PRPF18: variants seen among roughly 807,000 people sequenced by gnomAD.
PRPF18 encodes the protein pre-mRNA-splicing factor 18.
In PRPF18, 38 loss-of-function variants were observed where a neutral mutation model predicts 46.5. The ratio of observed to expected loss-of-function variants is 0.82; its 90% CI spans 0.63 to 1.07. PRPF18 has a LOEUF of 1.07. PRPF18 is among the 50% of genes least tolerant of loss of function. The probability of loss-of-function intolerance (pLI) is 0.00; values close to 1 mark genes in which losing one functional copy is unlikely to be tolerated. For missense variants in PRPF18, 263 were observed against 410.0 expected, an observed-to-expected ratio of 0.64 and a Z score of 3.10; for synonymous variants, 152 against 146.7, an observed-to-expected ratio of 1.04 and a Z score of -0.26.
chr10:13,600,249 G>A lies in PRPF18; in HGVS notation c.150G>A (p.Gln50=). The change falls in exon 3 of 10, where the codon CAG becomes CAA. Residue 50 remains glutamine, a synonymous_variant. Coordinates refer to ENST00000378572, the MANE Select transcript of PRPF18 (RefSeq NM_003675.4). ...AYFERCGYKI[Q]PKEEDQKPLT... The stretch of plus-strand genomic sequence containing the variant: ...TCTTTTGGCTATTAATATAGATACA[G>A]CCAAAAGAGGAGGACCAGAAACCAT... The A allele has an allele frequency of 6.2e-7, 1 of 1,605,954 alleles. No individual in the cohort carries two copies. The highest frequency in any genetic ancestry group is 8.5e-7 in the Non-Finnish European group (1 of 1,176,140).
intron 3 of PRPF18, among the ~76,000 whole-genome samples, chr10:13,604,220 A>T (rs1398386144): frequency 6.6e-6 from 1 of 152,180 alleles, no homozygotes; most frequent in Admixed American, 6.5e-5. Context: ...ATCCACTGGG[A>T]GCCCTCTCAA....
chr10:13,652,653 CAAG>C, the PRPF18 span, among the ~76,000 whole-genome samples: 3 of 152,152 alleles, frequency 2.0e-5, no homozygotes, highest in South Asian at 4.1e-4. Flanking sequence ...ACAGACAGCC[CAAG>C]AAGTAGGAGC....
At chr10:13,655,127 G>A in the PRPF18 span, 1 of 152,344 alleles carries the variant, frequency 6.6e-6, no homozygotes, top group Non-Finnish European at 1.5e-5. Context: ...CAGCATGGAA[G>A]TCCAGCTGGA....
chr10:13,596,558 G>A (rs1324849915), intron 1 of PRPF18, among the ~76,000 whole-genome samples: 2 of 152,188 alleles, frequency 1.3e-5, no homozygotes, highest in Non-Finnish European at 2.9e-5. Context: ...CGGGGACAGT[G>A]TCTTTATTTG....
rs965427350 is a variant in PRPF18 at position 13,588,670 on chromosome 10, A to C, written c.66+1518A>C. Among the ~76,000 whole-genome samples, 4 of 152,158 alleles carry C rather than the reference A, an allele frequency of 2.6e-5. No homozygotes were observed. The East Asian group carries it at 7.7e-4, about 29-fold the overall frequency. On this transcript the variant is annotated intron_variant, in intron 1 of 9. Coordinates refer to ENST00000378572, the MANE Select transcript of PRPF18 (RefSeq NM_003675.4). ...CTCCTCCTTCTCTCTTCTTCAACAC[A>C]TGAAAAGTCTGTAGGCCTGCTCTTC...
chr10:13,622,367 G>A (rs1182248500), intron 9 of PRPF18, among the ~76,000 whole-genome samples: 1 of 152,166 alleles, frequency 6.6e-6, no homozygotes, highest in Non-Finnish European at 1.5e-5. Context: ...CTGCTTTCTA[G>A]CTGGCAGCTT....
chr10:13,642,804 G>A, the PRPF18 span: 82,132 of 151,950 alleles, frequency 0.54, 22,929 homozygotes, highest in East Asian at 0.79. Flanking sequence ...GCTCTCCCAC[G>A]GGCAGTTTTT....
At position 13,611,835 on chromosome 10, in the gene PRPF18, G is replaced by C. The variant is rs182656256; in HGVS notation, c.579+152G>C. The stretch of plus-strand genomic sequence containing the variant: ...ATGTTTATGATATCACTATGCACTT[G>C]ATGTAGCAGTTAGTAAGAGAAAATG... On this transcript the variant is annotated intron_variant, in intron 6 of 9. Coordinates refer to ENST00000378572, the MANE Select transcript of PRPF18 (RefSeq NM_003675.4). 41 of 594,442 alleles carry C rather than the reference G, an allele frequency of 6.9e-5. No individual in the cohort carries two copies. In the East Asian group the frequency reaches 1.1e-3, roughly 16 times the overall value. 36.8% of individuals were successfully genotyped at this position (594,442 alleles called of 1,614,324 possible).
At chr10:13,611,043 A>C (rs991894198) in intron 5 of PRPF18, among the ~76,000 whole-genome samples, 2 of 152,226 alleles carry the variant, frequency 1.3e-5, no homozygotes, top group Non-Finnish European at 2.9e-5. Flanking sequence ...GTTTCCTTTA[A>C]TTCCTGGCTC....
intron 1 of PRPF18, 137 bp downstream of exon 1, chr10:13,587,289 T>C: frequency 1.1e-6 from 1 of 879,024 alleles, no homozygotes; most frequent in Admixed American, 1.9e-5. Flanking sequence ...CTACCCCTGG[T>C]AGGCCCCCTT....
chr10:13,594,510 C>G (rs752650875), intron 1 of PRPF18, among the ~76,000 whole-genome samples: 30 of 152,238 alleles, frequency 2.0e-4, no homozygotes, highest in Non-Finnish European at 4.3e-4. Flanking sequence ...TACATTAAAG[C>G]CTGTTCTATT....
chr10:13,648,735 G>GTTTTTCATA, the PRPF18 span: 1 of 152,198 alleles, frequency 6.6e-6, no homozygotes, highest in Admixed American at 6.5e-5. Context: ...GTTGAACTGA[G>GTTTTTCATA]TTTTTCATAT....
At chr10:13,606,266 G>T (rs965502271) in intron 4 of PRPF18, among the ~76,000 whole-genome samples, 1 of 152,160 alleles carries the variant, frequency 6.6e-6, no homozygotes, top group African/African-American at 2.4e-5. Flanking sequence ...AATTTTGCTT[G>T]TTCTTGTATT....
rs146095654 is a variant in PRPF18, at chr10:13,616,959, G to C, written c.948+406G>C. 6.0e-3 allele frequency among the ~76,000 whole-genome samples: 915 copies of C among 152,204 alleles called. 5 individuals carry two copies. The highest frequency in any genetic ancestry group is 0.02 in the African/African-American group (821 of 41,524). ...TTCAAGGTAAATCTAACATCTACTG[G>C]GTTCAAGATGTATGGAGAGTAAAGA... On this transcript the variant is annotated intron_variant, in intron 9 of 9. Coordinates refer to ENST00000378572, the MANE Select transcript of PRPF18 (RefSeq NM_003675.4).
chr10:13,654,741 C>T, the PRPF18 span: 1 of 567,782 alleles, frequency 1.8e-6, no homozygotes, highest in Non-Finnish European at 3.1e-6. Flanking sequence ...CCATTTTCTA[C>T]CCACTACCAT....
At position 13,597,432 on chromosome 10, in the gene PRPF18, T is replaced by C. The variant is rs369847783; in HGVS notation, c.67-26T>C. The C allele has an allele frequency of 2.7e-5, 41 of 1,505,934 alleles. No homozygotes were observed. In the African/African-American group the frequency reaches 4.8e-4, roughly 18 times the overall value. 93.3% of individuals were successfully genotyped at this position (1,505,934 alleles called of 1,614,324 possible). A position where few individuals can be genotyped will look rare whatever the true frequency, so the allele number is the denominator to read the frequency against. ...TGAAATTTTGCTCAAGGATATATTATTGACATAATTTATTTTCTTTAATAG... is the reference window on the plus strand; with the variant it reads ...TGAAATTTTGCTCAAGGATATATTACTGACATAATTTATTTTCTTTAATAG... On this transcript the variant is annotated intron_variant, in intron 1 of 9. Coordinates refer to ENST00000378572, the MANE Select transcript of PRPF18 (RefSeq NM_003675.4).
chr10:13,652,011 G>A, the PRPF18 span: 3 of 1,127,822 alleles, frequency 2.7e-6, no homozygotes, highest in African/African-American at 3.0e-5. Flanking sequence ...AGAGAAGAGA[G>A]GTCATGTTAC....
chr10:13,620,166 G>T (rs1169007389), intron 9 of PRPF18, among the ~76,000 whole-genome samples: 1 of 152,072 alleles, frequency 6.6e-6, no homozygotes, highest in African/African-American at 2.4e-5. Flanking sequence ...TTCCTTAAAG[G>T]ATCAGATAGT....
the PRPF18 span, chr10:13,652,212 TCACATCATAG>T: frequency 3.5e-6 from 2 of 573,684 alleles, no homozygotes; most frequent in Non-Finnish European, 6.2e-6. Context: ...TCATTTTGTA[TCACATCATAG>T]CAAACAGTTT....
Sources: allele counts gnomAD v4.1 joint callset (sites outside exome capture counted in the v4.1 genomes callset), GRCh38; gene constraint gnomAD v4.1.1; transcripts MANE v1.5; gene names NCBI Gene and HGNC (gene_info 2026-07-23, HGNC 2026-07-21).